The following AKAP6 variants were observed in gnomAD, a reference collection of about 807,000 sequenced individuals.
AKAP6 encodes the protein A-kinase anchor protein 6.
A neutral mutation model predicts 188.5 loss-of-function variants in AKAP6; 58 were observed. The observed-to-expected ratio is 0.31, with a 90% CI of 0.25 to 0.38. AKAP6 has a LOEUF of 0.38. AKAP6 is among the 10% of genes least tolerant of loss of function. The pLI, the probability that AKAP6 is intolerant of heterozygous loss-of-function variation, is 1.00. For synonymous variants in AKAP6, 989 were observed against 998.6 expected (o/e 0.99, Z 0.18); for missense variants, 2,710 against 2,740.0 (o/e 0.99, Z 0.24).
At chr14:32,459,578 G>T (rs565100727) in intron 2 of AKAP6, among the ~76,000 whole-genome samples, 1 of 148,864 alleles carries the variant, frequency 6.7e-6, no homozygotes, top group African/African-American at 2.5e-5. Flanking sequence ...TATTGGAAAG[G>T]CATACATATA....
rs17098925 is a variant in AKAP6 at position 32,372,433 on chromosome 14, C to T, written c.-35+43025C>T. On this transcript the variant is annotated intron_variant, in intron 1 of 13. Transcript: ENST00000280979. ...ACCAGTGTCAATTTAATGGGTCAGA[C>T]GTAGTGTTTGTAATGGGTAAGAAGT... 4.9e-3 allele frequency among the ~76,000 whole-genome samples: 746 copies of T among 151,850 alleles called. 6 individuals carry two copies. Among genetic ancestry groups the T allele is most frequent in the African/African-American group, 0.016 (679 of 41,410 alleles).
chr14:32,405,778 C>T (rs1731413265), intron 1 of AKAP6, among the ~76,000 whole-genome samples: 1 of 152,114 alleles, frequency 6.6e-6, no homozygotes, highest in South Asian at 2.1e-4. Context: ...CTCCTGCCAC[C>T]CTGTGAAGAG....
chr14:32,748,680 G>A (rs890329635), intron 11 of AKAP6, among the ~76,000 whole-genome samples: 9 of 151,990 alleles, frequency 5.9e-5, no homozygotes, highest in Non-Finnish European at 8.8e-5. Context: ...CCCAAGACTA[G>A]GAAAAAAGGA....
chr14:32,624,199 G>A (rs1594791173), intron 7 of AKAP6, among the ~76,000 whole-genome samples: 2 of 152,124 alleles, frequency 1.3e-5, no homozygotes, highest in South Asian at 2.1e-4. Flanking sequence ...CAATTGCTGA[G>A]AGTATTAGAA....
intron 7 of AKAP6, among the ~76,000 whole-genome samples, chr14:32,676,543 T>A (rs1396632708): frequency 2.0e-5 from 3 of 152,184 alleles, no homozygotes; most frequent in Non-Finnish European, 4.4e-5. Context: ...CCCAGCTGAA[T>A]GTACTCCATA....
intron 1 of AKAP6, among the ~76,000 whole-genome samples, chr14:32,347,273 A>C (rs542409230): frequency 6.6e-6 from 1 of 152,208 alleles, no homozygotes; most frequent in Non-Finnish European, 1.5e-5. Context: ...TTTTTCTTAC[A>C]CATGTTTCTA....
At chr14:32,440,477 TAAA>T (rs926615854) in intron 2 of AKAP6, among the ~76,000 whole-genome samples, 3 of 146,946 alleles carry the variant, frequency 2.0e-5, no homozygotes, top group African/African-American at 7.5e-5. Flanking sequence ...CTTAAAGTAT[TAAA>T]AAAAAAAACT....
At chr14:32,806,859 G>A (rs930083609) in intron 12 of AKAP6, among the ~76,000 whole-genome samples, 1 of 152,138 alleles carries the variant, frequency 6.6e-6, no homozygotes, top group Non-Finnish European at 1.5e-5. Context: ...GGTAAGGGTA[G>A]TATAAACCAC....
intron 7 of AKAP6, among the ~76,000 whole-genome samples, chr14:32,634,029 C>T (rs1485699532): frequency 1.3e-5 from 2 of 152,072 alleles, no homozygotes; most frequent in South Asian, 4.1e-4. Flanking sequence ...TCCACACAGC[C>T]TCCATCACTA....
In AKAP6 at chr14:32,824,133, G is replaced by T; in HGVS notation, c.6320G>T (p.Gly2107Val). The T allele has an allele frequency of 6.2e-7, 1 of 1,613,922 alleles. No individual in the cohort carries two copies. Among genetic ancestry groups the T allele is most frequent in the Non-Finnish European group, 8.5e-7 (1 of 1,179,910 alleles). The part of the protein sequence containing the change: ...HSHRPIQLRK[G>V]DFYSYLSLSS... ...CACCGGCCCATCCAGCTGAGAAAAG[G>T]GGACTTTTATTCGTACTTATCTCTC... is the stretch of plus-strand genomic sequence containing the variant. Residue 2107 changes from glycine (G) to valine (V), a missense_variant, in exon 13 of 14, where the codon GGG (glycine) becomes GTG (valine). Gly to Val is a moderately radical substitution (Grantham distance 109). Around this residue, in one of 2 missense-constraint regions of AKAP6, gnomAD observed 2,473 missense variants for 2,426.1 expected, o/e 1.02. Transcript: ENST00000280979.
At chr14:32,562,811 C>G (rs776211564) in intron 4 of AKAP6, among the ~76,000 whole-genome samples, 2 of 152,104 alleles carry the variant, frequency 1.3e-5, no homozygotes, top group African/African-American at 2.4e-5. Context: ...AGGCTGGATT[C>G]TGTAGTGTAG....
intron 1 of AKAP6, among the ~76,000 whole-genome samples, chr14:32,366,128 A>G (rs901096908): frequency 6.6e-6 from 1 of 151,294 alleles, no homozygotes; most frequent in African/African-American, 2.4e-5. Context: ...CCCCACTACC[A>G]TTTCCTCTCT....
chr14:32,459,007 A>G (rs1383765584), intron 2 of AKAP6, among the ~76,000 whole-genome samples: 1 of 152,206 alleles, frequency 6.6e-6, no homozygotes, highest in Non-Finnish European at 1.5e-5. Flanking sequence ...TGGTGAAAAG[A>G]TAGAGAAAAT....
intron 1 of AKAP6, among the ~76,000 whole-genome samples, chr14:32,417,280 T>A (rs1430860378): frequency 6.6e-6 from 1 of 152,222 alleles, no homozygotes; most frequent in Non-Finnish European, 1.5e-5. Context: ...TTATAAGCCT[T>A]GTTATATTTA....
At chr14:32,685,457 TTA>T (rs1889872383) in intron 8 of AKAP6, among the ~76,000 whole-genome samples, 1 of 151,278 alleles carries the variant, frequency 6.6e-6, no homozygotes, top group Admixed American at 6.6e-5. Context: ...TGCGGTGGGA[TTA>T]CATGCCTGTA....
intron 9 of AKAP6, among the ~76,000 whole-genome samples, chr14:32,701,562 A>G (rs1161700548): frequency 6.6e-6 from 1 of 152,156 alleles, no homozygotes; most frequent in Non-Finnish European, 1.5e-5. Flanking sequence ...ATACGTGTGG[A>G]ATAGAATTAG....
intron 2 of AKAP6, among the ~76,000 whole-genome samples, chr14:32,511,738 C>T (rs960778827): frequency 6.6e-6 from 1 of 152,154 alleles, no homozygotes. Flanking sequence ...TTTGGCCACA[C>T]ATTTTTTCCT....
chr14:32,354,781 A>C (rs1165551454), intron 1 of AKAP6, among the ~76,000 whole-genome samples: 1 of 152,214 alleles, frequency 6.6e-6, no homozygotes, highest in African/African-American at 2.4e-5. Flanking sequence ...CTTACACTGA[A>C]ACTGCTGTCA....
In AKAP6 at chr14:32,823,964, G is replaced by A. The variant is rs148739036; in HGVS notation, c.6151G>A (p.Ala2051Thr). 1.6e-4 allele frequency: 261 copies of A among 1,613,814 alleles called. No homozygotes were observed. The highest frequency in any genetic ancestry group is 2.1e-4 in the Non-Finnish European group (242 of 1,179,942). The stretch of plus-strand genomic sequence containing the variant: ...GCCAGATGTTTTCCATCAAAAAGAT[G>A]CCGAAGATTGTTCAGTACACAACTT... ...CEPDVFHQKD[A>T]EDCSVHNFVK... Residue 2051 changes from alanine (A) to threonine (T), a missense_variant, in exon 13 of 14, where the codon GCC (alanine) becomes ACC (threonine). Ala to Thr is a moderately conservative substitution (Grantham distance 58, BLOSUM62 0). This residue lies in a region of AKAP6 where 2,473 missense variants were observed against 2,426.1 expected (regional missense o/e 1.02). Coordinates refer to ENST00000280979, the MANE Select transcript of AKAP6 (RefSeq NM_004274.5).
Sources: gnomAD v4.1 joint callset for allele counts (sites outside exome capture counted in the v4.1 genomes callset) on GRCh38, gnomAD v4.1.1 for gene constraint, gnomAD v4.1.1 regional missense constraint, MANE v1.5 for transcripts, NCBI Gene and HGNC (gene_info 2026-07-23, HGNC 2026-07-21) for gene names.